CHRM3: variants seen among roughly 807,000 people sequenced by gnomAD.
CHRM3 encodes the protein cholinergic receptor muscarinic 3.
Under a neutral mutation model 41.8 loss-of-function variants are expected in CHRM3, and 11 were observed. The ratio of observed to expected loss-of-function variants is 0.26; its 90% confidence interval spans 0.17 to 0.44. CHRM3 has a LOEUF of 0.44. Among genes scored for constraint, CHRM3 ranks in the 20% least tolerant of loss-of-function variants. The pLI is 1.00. For synonymous variants in CHRM3, 297 were observed against 301.4 expected (o/e 0.99, Z 0.15); for missense variants, 571 against 745.4 (o/e 0.77, Z 2.72).
chr1:239,740,178 T>C (rs1289391238), intron 5 of CHRM3, among the ~76,000 whole-genome samples: 1 of 152,154 alleles, frequency 6.6e-6, no homozygotes, highest in East Asian at 1.9e-4. Context: ...CCACTTCCTA[T>C]TGGGCAGAAA....
intron 5 of CHRM3, among the ~76,000 whole-genome samples, chr1:239,729,894 A>G (rs895752264): frequency 1.3e-5 from 2 of 151,970 alleles, no homozygotes; most frequent in African/African-American, 4.8e-5. Context: ...GTGTATTTTT[A>G]AAGTAAAATA....
chr1:239,403,200 A>T (rs1660128582), intron 1 of CHRM3, among the ~76,000 whole-genome samples: 1 of 152,200 alleles, frequency 6.6e-6, no homozygotes, highest in Non-Finnish European at 1.5e-5. Context: ...TACGCCTCGT[A>T]GACTTTACAC....
chr1:239,887,486 G>A (rs1328202724), intron 6 of CHRM3, among the ~76,000 whole-genome samples: 1 of 152,180 alleles, frequency 6.6e-6, no homozygotes. Context: ...GCCTCCCAAA[G>A]TGCTGGGATT....
In CHRM3 at chr1:239,908,804, G is replaced by T; in HGVS notation, c.1353G>T (p.Thr451=). ...TCAACTCCTCAGTGGGTAAGAGCAC[G>T]GCCACTCTACCTCTGTCCTTCAAGG... ...SDVNSSVGKS[T]ATLPLSFKEA... is the part of the protein sequence containing the mutation. The change falls in exon 7 of 7, where the codon ACG becomes ACT. Residue 451 remains threonine, a synonymous_variant. Coordinates refer to ENST00000676153, the MANE Select transcript of CHRM3 (RefSeq NM_001375978.1). The surrounding 1 kb of genome is among the most constrained non-coding windows in gnomAD (Gnocchi z 7.2). The T allele has an allele frequency of 6.2e-7, 1 of 1,614,120 alleles. No individual in the cohort carries two copies. The highest frequency in any genetic ancestry group is 8.5e-7 in the Non-Finnish European group (1 of 1,180,026).
chr1:239,908,692 T>G lies in CHRM3; in HGVS notation c.1241T>G (p.Val414Gly). ...KADKLQAQKS[V>G]DDGGSFPKSF... The stretch of plus-strand genomic sequence containing the variant: ...GACAAGCTGCAGGCCCAGAAGAGCG[T>G]GGACGATGGAGGCAGTTTTCCAAAA... Residue 414 changes from valine to glycine, a missense_variant, in exon 7 of 7, where the codon GTG becomes GGG. Physicochemically the swap from Val to Gly is moderately radical, Grantham distance 109. Coordinates refer to ENST00000676153, the MANE Select transcript of CHRM3 (RefSeq NM_001375978.1). The surrounding 1 kb of genome is among the most constrained non-coding windows in gnomAD (Gnocchi z 7.2). 1 of 1,613,018 alleles carries G rather than the reference T, an allele frequency of 6.2e-7. No homozygotes were observed. Among genetic ancestry groups the G allele is most frequent in the Non-Finnish European group, 8.5e-7 (1 of 1,179,554 alleles).
chr1:239,409,033 A>G (rs745711721), intron 1 of CHRM3, among the ~76,000 whole-genome samples: 2 of 151,522 alleles, frequency 1.3e-5, no homozygotes, highest in Non-Finnish European at 2.9e-5. Context: ...TAACATAACT[A>G]AATATTATAT....
At chr1:239,892,995 T>C (rs1213351989) in intron 6 of CHRM3, among the ~76,000 whole-genome samples, 1 of 152,184 alleles carries the variant, frequency 6.6e-6, no homozygotes, top group Non-Finnish European at 1.5e-5. Flanking sequence ...GTGTAAAATC[T>C]TGGATCAGAC....
intron 1 of CHRM3, among the ~76,000 whole-genome samples, chr1:239,487,519 T>C (rs904277821): frequency 1.3e-5 from 2 of 151,978 alleles, no homozygotes; most frequent in African/African-American, 4.8e-5. Context: ...GTCAGAAACA[T>C]GTAAAAAAAC....
At chr1:239,805,877 C>A (rs963902459) in intron 5 of CHRM3, among the ~76,000 whole-genome samples, 1 of 152,126 alleles carries the variant, frequency 6.6e-6, no homozygotes, top group African/African-American at 2.4e-5. Context: ...ACTTGATTTC[C>A]CTTCTTGGTT....
chr1:239,658,992 C>T (rs961526270), intron 4 of CHRM3, among the ~76,000 whole-genome samples: 24 of 152,128 alleles, frequency 1.6e-4, no homozygotes, highest in African/African-American at 5.8e-4. Flanking sequence ...TCCACCTTGG[C>T]CTCCCAAAGT....
intron 1 of CHRM3, among the ~76,000 whole-genome samples, chr1:239,424,476 T>A (rs1341631045): frequency 1.3e-5 from 2 of 152,358 alleles, no homozygotes; most frequent in East Asian, 1.9e-4. Context: ...ATTTTGTTCA[T>A]TCATTCAACA....
At chr1:239,561,300 C>T (rs1224860491) in intron 3 of CHRM3, among the ~76,000 whole-genome samples, 1 of 152,214 alleles carries the variant, frequency 6.6e-6, no homozygotes, top group Non-Finnish European at 1.5e-5. Flanking sequence ...AATCTATACT[C>T]TCATTTGTGG....
intron 5 of CHRM3, among the ~76,000 whole-genome samples, chr1:239,738,975 C>T (rs1229934326): frequency 1.3e-5 from 2 of 152,134 alleles, no homozygotes; most frequent in African/African-American, 4.8e-5. Context: ...GATTTTTGCA[C>T]CTGCCTCCCC....
intron 2 of CHRM3, among the ~76,000 whole-genome samples, chr1:239,542,690 C>T (rs1173001071): frequency 2.0e-5 from 3 of 152,140 alleles, no homozygotes; most frequent in Non-Finnish European, 4.4e-5. Context: ...TCTTCCAGCT[C>T]AAAACTCACC....
chr1:239,524,795 T>A (rs1478964661), intron 2 of CHRM3, among the ~76,000 whole-genome samples: 1 of 152,202 alleles, frequency 6.6e-6, no homozygotes, highest in Non-Finnish European at 1.5e-5. Flanking sequence ...GGTCAGAACC[T>A]TTTCAAGAAA....
At chr1:239,674,414 T>C (rs1363009354) in intron 4 of CHRM3, among the ~76,000 whole-genome samples, 1 of 152,092 alleles carries the variant, frequency 6.6e-6, no homozygotes, top group East Asian at 1.9e-4. Context: ...TGTGGCTTAA[T>C]TAGCAAAATC....
chr1:239,649,138 A>G (rs1573120814), intron 4 of CHRM3, among the ~76,000 whole-genome samples: 2 of 152,266 alleles, frequency 1.3e-5, no homozygotes, highest in South Asian at 2.1e-4. Context: ...CTAAATTCAT[A>G]TGTTAAAATC....
intron 1 of CHRM3, among the ~76,000 whole-genome samples, chr1:239,418,829 G>A (rs1291547761): frequency 6.6e-6 from 1 of 152,166 alleles, no homozygotes. Context: ...TGAATGGTTG[G>A]TTCCCTCATC....
chr1:239,480,208 G>T (rs753451547), intron 1 of CHRM3, among the ~76,000 whole-genome samples: 1 of 152,070 alleles, frequency 6.6e-6, no homozygotes, highest in Non-Finnish European at 1.5e-5. Context: ...AAATACTGAA[G>T]AAAGTGATTT....
Sources: allele counts gnomAD v4.1 joint callset (sites outside exome capture counted in the v4.1 genomes callset), GRCh38; gene constraint gnomAD v4.1.1; non-coding constraint Gnocchi (gnomAD v3.1); transcripts MANE v1.5; gene names NCBI Gene and HGNC (gene_info 2026-07-23, HGNC 2026-07-21).